The following KIF13A variants were observed in gnomAD, a reference collection of about 807,000 sequenced individuals.
KIF13A encodes the protein kinesin family member 13A.
A neutral mutation model predicts 212.2 loss-of-function variants in KIF13A; 79 were observed. The observed-to-expected ratio is 0.37, with a 90% CI of 0.31 to 0.45. The LOEUF (loss-of-function observed/expected upper bound fraction) is 0.45. Among genes scored for constraint, KIF13A ranks in the 20% least tolerant of loss-of-function variants. KIF13A has a pLI of 1.00. For missense variants in KIF13A, 1,901 were observed against 2,209.0 expected (o/e 0.86, Z 2.79); for synonymous variants, 789 against 808.6 (o/e 0.98, Z 0.41).
chr6:17,837,690 G>T lies in KIF13A; in HGVS notation c.831-107C>A. On this transcript the variant is annotated intron_variant, in intron 9 of 38. Transcript: ENST00000259711. The surrounding 1 kb of genome is among the most constrained non-coding windows in gnomAD (Gnocchi z 5.4). ...CAGTTAATACACGTTGGTGGCTCAC[G>T]CCCGTAATCCCAGCACTTTGGGAGG... 2.6e-6 allele frequency: 2 copies of T among 769,566 alleles called. No individual in the cohort carries two copies. The highest frequency in any genetic ancestry group is 4.2e-6 in the Non-Finnish European group (2 of 472,690). 47.7% of individuals were successfully genotyped at this position (769,566 alleles called of 1,614,324 possible).
At chr6:17,861,039 G>A (rs916705708) in intron 4 of KIF13A, among the ~76,000 whole-genome samples, 2 of 152,050 alleles carry the variant, frequency 1.3e-5, no homozygotes, top group African/African-American at 2.4e-5. Context: ...ATATATACAT[G>A]TGATTTCAAA....
At chr6:17,953,750 G>A (rs2067922) in intron 2 of KIF13A, 38,803 of 193,062 alleles carry the variant, frequency 0.2, 4,403 homozygotes, top group African/African-American at 0.32. Flanking sequence ...GGCCCTTTGC[G>A]CTGAATACCA....
At chr6:17,933,351 A>G (rs191810661) in intron 2 of KIF13A, among the ~76,000 whole-genome samples, 6 of 151,364 alleles carry the variant, frequency 4.0e-5, no homozygotes, top group Non-Finnish European at 7.4e-5. Flanking sequence ...AGCTCAAGTG[A>G]TACTCCTGCC....
chr6:17,970,771 G>C (rs905655707), intron 2 of KIF13A, among the ~76,000 whole-genome samples: 3 of 152,154 alleles, frequency 2.0e-5, no homozygotes, highest in Non-Finnish European at 4.4e-5. Flanking sequence ...ACAGACATAG[G>C]TTATAACCAC....
chr6:17,895,817 C>T lies in KIF13A; in HGVS notation c.159+2351G>A, dbSNP rs1772507886. ...TTGGCTTATCTCCAGTGCCTTCAAG[C>T]ACAAGTTTTTAATATTTTGTCCAGT... On this transcript the variant is annotated intron_variant, in intron 3 of 38. Coordinates refer to ENST00000259711, the MANE Select transcript of KIF13A (RefSeq NM_022113.6). The surrounding 1 kb of genome is among the most constrained non-coding windows in gnomAD (Gnocchi z 4.4). Among the ~76,000 whole-genome samples the T allele has an allele frequency of 2.0e-5, 3 of 152,190 alleles. No individual in the cohort carries two copies. The highest frequency in any genetic ancestry group is 4.4e-5 in the Non-Finnish European group (3 of 68,034).
chr6:17,979,773 A>G (rs893275968), intron 2 of KIF13A, among the ~76,000 whole-genome samples: 1 of 152,080 alleles, frequency 6.6e-6, no homozygotes, highest in Admixed American at 6.5e-5. Flanking sequence ...GTTTGAAAAA[A>G]AAAAAAGAGA....
intron 2 of KIF13A, among the ~76,000 whole-genome samples, chr6:17,909,806 AC>A (rs776852706): frequency 2.0e-5 from 3 of 152,108 alleles, no homozygotes; most frequent in Non-Finnish European, 4.4e-5. Context: ...AGGCAGGAGA[AC>A]CTGGGAGGCA....
At chr6:17,812,899 T>C (rs1400829503) in intron 17 of KIF13A, among the ~76,000 whole-genome samples, 1 of 152,210 alleles carries the variant, frequency 6.6e-6, no homozygotes, top group African/African-American at 2.4e-5. Flanking sequence ...TATCTCATTG[T>C]GGTTTTGATT....
chr6:17,852,504 C>T (rs1307905124), intron 6 of KIF13A, among the ~76,000 whole-genome samples: 1 of 152,178 alleles, frequency 6.6e-6, no homozygotes, highest in Non-Finnish European at 1.5e-5. Context: ...ACTATAGCCT[C>T]AACCTCCCGC....
chr6:17,932,998 G>GA (rs1160119629), intron 2 of KIF13A, among the ~76,000 whole-genome samples: 3 of 151,070 alleles, frequency 2.0e-5, no homozygotes, highest in Non-Finnish European at 4.4e-5. Flanking sequence ...AGCTTAATTA[G>GA]AAAAAAAAAT....
chr6:17,976,559 C>T (rs930024573), intron 2 of KIF13A, among the ~76,000 whole-genome samples: 35 of 152,280 alleles, frequency 2.3e-4, no homozygotes, highest in Admixed American at 2.0e-3. Context: ...GGTTCCCGCT[C>T]GCGCCTCTCC....
At chr6:17,797,840 G>A (rs1178689325) in intron 22 of KIF13A, among the ~76,000 whole-genome samples, 1 of 152,192 alleles carries the variant, frequency 6.6e-6, no homozygotes, top group African/African-American at 2.4e-5. Context: ...CGAGGCTGCA[G>A]TGAGCCGTGA....
chr6:17,891,961 G>C (rs1040271464), intron 3 of KIF13A, among the ~76,000 whole-genome samples: 30 of 152,022 alleles, frequency 2.0e-4, no homozygotes, highest in African/African-American at 7.3e-4. Flanking sequence ...ACTTAATCCT[G>C]TTTTCCTTGA....
intron 38 of KIF13A, among the ~76,000 whole-genome samples, chr6:17,770,092 CAGTT>C (rs540730742): frequency 1.4e-4 from 21 of 152,264 alleles, no homozygotes; most frequent in Admixed American, 5.9e-4. Flanking sequence ...GATTAAGCTG[CAGTT>C]AGTTAGTTCT....
At chr6:17,975,562 A>C (rs9477561) in intron 2 of KIF13A, among the ~76,000 whole-genome samples, 1 of 152,186 alleles carries the variant, frequency 6.6e-6, no homozygotes, top group Non-Finnish European at 1.5e-5. Context: ...AAAAGCTTCC[A>C]GTACAGAACA....
intron 22 of KIF13A, 45 bp from the exon 23 acceptor site, chr6:17,796,865 CTG>C: frequency 7.5e-7 from 1 of 1,338,742 alleles, no homozygotes; most frequent in Non-Finnish European, 9.9e-7. Context: ...TTAAAGGAGT[CTG>C]TGAAATTTCC....
chr6:17,837,535 T>C lies in KIF13A; in HGVS notation c.879A>G (p.Ala293=). The C allele has an allele frequency of 6.2e-7, 1 of 1,610,054 alleles. No individual in the cohort carries two copies. Among genetic ancestry groups the C allele is most frequent in the South Asian group, 1.1e-5 (1 of 89,934 alleles). ...GLVISSLADQ[A]AGKGKSKFVP... is the part of the protein sequence containing the mutation. ...CAAATTTGCTTTTACCCTTGCCAGC[T>C]GCCTGGTCAGCCAGTGATGATATAA... Residue 293 remains alanine (A), a synonymous_variant, in exon 10 of 39, where the codon GCA becomes GCG. Transcript: ENST00000259711. This position sits in a 1 kb window ranked among gnomAD's most constrained non-coding sequence, Gnocchi z 5.4.
In KIF13A at chr6:17,773,453, C is replaced by T. The variant is rs1396511242; in HGVS notation, c.4324+25G>A. On this transcript the variant is annotated intron_variant, in intron 36 of 38. Transcript: ENST00000259711. The surrounding 1 kb of genome is among the most constrained non-coding windows in gnomAD (Gnocchi z 4.2). Reference sequence around the variant, plus strand: ...TTTCTAAGTAATTACAAAGAAATATCACTGCAAAATAATCTCACCACTACC... The same window carrying T: ...TTTCTAAGTAATTACAAAGAAATATTACTGCAAAATAATCTCACCACTACC... 1 of 1,312,230 alleles carries T rather than the reference C, an allele frequency of 7.6e-7. No homozygotes were observed. Among genetic ancestry groups the T allele is most frequent in the Non-Finnish European group, 1.1e-6 (1 of 912,522 alleles). The allele number at this position is 1,312,230 out of a possible 1,614,324, so 81.3% of individuals were successfully genotyped here.
At position 17,918,785 on chromosome 6, in the gene KIF13A, C is replaced by T. The variant is rs1270147221; in HGVS notation, c.147-20605G>A. On this transcript the variant is annotated intron_variant, in intron 2 of 38. Coordinates refer to ENST00000259711, the MANE Select transcript of KIF13A (RefSeq NM_022113.6). This position sits in a 1 kb window ranked among gnomAD's most constrained non-coding sequence, Gnocchi z 4.8. ...ACATTAATGTTGAGGCTGCCTGCACCACCTCCATCCCACCTGCATCCTGCT... is the reference window on the plus strand; with the variant it reads ...ACATTAATGTTGAGGCTGCCTGCACTACCTCCATCCCACCTGCATCCTGCT... Among the ~76,000 whole-genome samples, 1 of 152,136 alleles carries T rather than the reference C, an allele frequency of 6.6e-6. No individual in the cohort carries two copies. Among genetic ancestry groups the T allele is most frequent in the Non-Finnish European group, 1.5e-5 (1 of 68,018 alleles).
Sources: gnomAD v4.1 joint callset for allele counts (sites outside exome capture counted in the v4.1 genomes callset) on GRCh38, gnomAD v4.1.1 for gene constraint, Gnocchi (gnomAD v3.1) non-coding constraint, MANE v1.5 for transcripts, NCBI Gene and HGNC (gene_info 2026-07-23, HGNC 2026-07-21) for gene names.